Variants in RGS10 observed in about 807,000 individuals in gnomAD.
RGS10 encodes regulator of G-protein signalling 10.
A neutral mutation model predicts 23.5 loss-of-function variants in RGS10; 11 were observed. That is an observed-to-expected ratio of 0.47 (90% confidence interval 0.29 to 0.77). RGS10 has a LOEUF of 0.77. RGS10 is among the 30% of genes least tolerant of loss of function. The pLI, the probability that RGS10 is intolerant of heterozygous loss-of-function variation, is 0.08. For synonymous variants in RGS10, 77 were observed against 83.2 expected (o/e 0.92, Z 0.41); for missense variants, 180 against 226.3 (o/e 0.80, Z 1.31).
chr10:119,524,552 C>T lies in RGS10; in HGVS notation c.255+1480G>A, dbSNP rs1041868983. Among the ~76,000 whole-genome samples the T allele has an allele frequency of 6.6e-6, 1 of 152,082 alleles. No homozygotes were observed. The highest frequency in any genetic ancestry group is 6.5e-5 in the Admixed American group (1 of 15,270). On this transcript the variant is annotated intron_variant, in intron 3 of 4. Transcript: ENST00000369103. The surrounding 1 kb of genome is among the most constrained non-coding windows in gnomAD (Gnocchi z 5.2). ...CAGTCTAGCATTTATCGATGGTGGT[C>T]CCCAGGCCCTGTCCTCGGTGCTGGA...
At chr10:119,509,988 C>T (rs1465097383) in intron 4 of RGS10, among the ~76,000 whole-genome samples, 2 of 152,040 alleles carry the variant, frequency 1.3e-5, no homozygotes. Context: ...AGAGCTCAGG[C>T]CACTCCCACT....
chr10:119,530,529 A>G (rs1006248036), intron 1 of RGS10, among the ~76,000 whole-genome samples: 13 of 152,226 alleles, frequency 8.5e-5, no homozygotes, highest in African/African-American at 2.9e-4. Flanking sequence ...TCTCTATAAA[A>G]TATTTAAAAA....
In RGS10 at chr10:119,515,497, A is replaced by T; in HGVS notation, c.399+12T>A. ...TTTTCAAATCAAGGTGCAGGCAGGG[A>T]AGTCGGGTTACCTGGTCCTGGAGTT... On this transcript the variant is annotated intron_variant, in intron 4 of 4. Coordinates refer to ENST00000369103, the MANE Select transcript of RGS10 (RefSeq NM_001005339.2). The T allele has an allele frequency of 6.2e-7, 1 of 1,613,952 alleles. No individual in the cohort carries two copies.
chr10:119,499,833 T>C lies in RGS10; in HGVS notation c.*280A>G, dbSNP rs1343845114. On this transcript the variant is annotated 3_prime_UTR_variant, in exon 5 of 5. Transcript: ENST00000369103. ...TGTGATACGTTTCACCTTGTGGCCT[T>C]ACATGAGGTTTAATTAAGCTACAAA... 3.2e-6 allele frequency: 1 copy of C among 315,486 alleles called. No homozygotes were observed. The highest frequency in any genetic ancestry group is 2.2e-5 in the African/African-American group (1 of 45,822). 19.5% of individuals were successfully genotyped at this position (315,486 alleles called of 1,614,324 possible).
chr10:119,527,321 G>A lies in RGS10; in HGVS notation c.153C>T (p.Gly51=). ...SLENLLEDPE[G]VKRFREFLKK... is the part of the protein sequence containing the mutation. ...AAAGACAAACCCTAAATCTTTTCAC[G>A]CCTTCTGGGTCTTCCAGCAGATTCT... Residue 51 remains glycine, a synonymous_variant, in exon 2 of 5, where the codon GGC becomes GGT. Coordinates refer to ENST00000369103, the MANE Select transcript of RGS10 (RefSeq NM_001005339.2). The surrounding 1 kb of genome is among the most constrained non-coding windows in gnomAD (Gnocchi z 4.2). 12 of 1,612,928 alleles carry A rather than the reference G, an allele frequency of 7.4e-6. No individual in the cohort carries two copies. The highest frequency in any genetic ancestry group is 1.0e-5 in the Non-Finnish European group (12 of 1,179,050).
chr10:119,526,243 C>T (rs775427953), intron 2 of RGS10, 125 bp from the exon 3 acceptor site: 3 of 484,382 alleles, frequency 6.2e-6, no homozygotes, highest in Non-Finnish European at 1.1e-5. Context: ...AGTTACTCTT[C>T]GAAAACCCCA....
chr10:119,511,714 G>A (rs1008751201), intron 4 of RGS10, among the ~76,000 whole-genome samples: 1 of 152,074 alleles, frequency 6.6e-6, no homozygotes, highest in Non-Finnish European at 1.5e-5. Flanking sequence ...ATGGTTTGGG[G>A]TCACCAGGCT....
chr10:119,539,440 G>A (rs1187333148), intron 1 of RGS10, among the ~76,000 whole-genome samples: 1 of 152,206 alleles, frequency 6.6e-6, no homozygotes, highest in African/African-American at 2.4e-5. Context: ...CAGGGGTAGG[G>A]AGTCGGGTGG....
chr10:119,540,357 C>T (rs1401927983), intron 1 of RGS10, among the ~76,000 whole-genome samples: 1 of 152,168 alleles, frequency 6.6e-6, no homozygotes, highest in Non-Finnish European at 1.5e-5. Flanking sequence ...CTCAAGCCAT[C>T]CTCTCACTTC....
chr10:119,542,173 C>A lies in RGS10; in HGVS notation c.49+417G>T, dbSNP rs143025658. On this transcript the variant is annotated intron_variant, in intron 1 of 4. Transcript: ENST00000369103. The stretch of plus-strand genomic sequence containing the variant: ...GCCCAGTCGGATGCCCGGGTCCAGC[C>A]GTGCTCCCCCGGGCGCTCGGCATCC... Among the ~76,000 whole-genome samples the A allele has an allele frequency of 1.8e-3, 271 of 152,304 alleles. 2 individuals are homozygous for A. The highest frequency in any genetic ancestry group is 6.2e-3 in the African/African-American group (258 of 41,580).
intron 3 of RGS10, among the ~76,000 whole-genome samples, chr10:119,516,822 C>T (rs750961989): frequency 2.6e-5 from 4 of 152,224 alleles, no homozygotes; most frequent in African/African-American, 4.8e-5. Context: ...GGAGCCCTCT[C>T]CTCCAGAACT....
At chr10:119,507,102 G>T (rs954967689) in intron 4 of RGS10, among the ~76,000 whole-genome samples, 1 of 152,174 alleles carries the variant, frequency 6.6e-6, no homozygotes, top group Non-Finnish European at 1.5e-5. Context: ...TACACAGACA[G>T]CCAACCTCCC....
chr10:119,536,918 T>C (rs1446819210), intron 1 of RGS10, among the ~76,000 whole-genome samples: 2 of 152,162 alleles, frequency 1.3e-5, no homozygotes, highest in Non-Finnish European at 2.9e-5. Context: ...GACTTTTTCC[T>C]CCAGGGTCAG....
At chr10:119,509,899 A>C (rs1354265276) in intron 4 of RGS10, among the ~76,000 whole-genome samples, 1 of 151,720 alleles carries the variant, frequency 6.6e-6, no homozygotes, top group East Asian at 1.9e-4. Flanking sequence ...GCACTGTGAT[A>C]ACAGTGATGA....
rs939384330 is a variant in RGS10 at position 119,499,915 on chromosome 10, GTTA to G, written c.*195_*197del. On this transcript the variant is annotated 3_prime_UTR_variant, in exon 5 of 5. Coordinates refer to ENST00000369103, the MANE Select transcript of RGS10 (RefSeq NM_001005339.2). ...CTGTTTTGTAAACTAAAACTTCCAA[GTTA>G]TTATTATTCTTTTTTTATGTTAGCT... is the stretch of plus-strand genomic sequence containing the variant. 4 of 527,988 alleles carry G rather than the reference GTTA, an allele frequency of 7.6e-6. No homozygotes were observed. In the African/African-American group the frequency reaches 7.8e-5, roughly 10 times the overall value. The allele number at this position is 527,988 out of a possible 1,614,324, so 32.7% of individuals were successfully genotyped here.
intron 2 of RGS10, among the ~76,000 whole-genome samples, chr10:119,526,504 A>C (rs144273451): frequency 0.011 from 1,618 of 152,380 alleles, 34 homozygotes; most frequent in African/African-American, 0.037. Context: ...AAGCACATTA[A>C]GTATGTCTAA....
intron 3 of RGS10, among the ~76,000 whole-genome samples, chr10:119,519,531 G>A (rs1191586249): frequency 1.0e-5 from 1 of 99,284 alleles, no homozygotes; most frequent in Non-Finnish European, 1.9e-5. Context: ...CCCAGCTCCT[G>A]TCTCCCTGTC....
At position 119,517,433 on chromosome 10, in the gene RGS10, G is replaced by C. The variant is rs1844159270; in HGVS notation, c.256-1781C>G. Among the ~76,000 whole-genome samples the C allele has an allele frequency of 6.6e-6, 1 of 152,166 alleles. No homozygotes were observed. On this transcript the variant is annotated intron_variant, in intron 3 of 4. Transcript: ENST00000369103. This position sits in a 1 kb window ranked among gnomAD's most constrained non-coding sequence, Gnocchi z 5.0. ...TCTGGGGGCCATCCTCGAGACCCAA[G>C]GGGGTGGCACTTAGGAGCTGGCCCT...
At chr10:119,518,046 G>A (rs897009109) in intron 3 of RGS10, among the ~76,000 whole-genome samples, 23 of 152,264 alleles carry the variant, frequency 1.5e-4, no homozygotes, top group African/African-American at 5.3e-4. Context: ...AAGGCCTGGT[G>A]TCTAGGCCGA....
Sources: gnomAD v4.1 joint callset for allele counts (sites outside exome capture counted in the v4.1 genomes callset) on GRCh38, gnomAD v4.1.1 for gene constraint, Gnocchi (gnomAD v3.1) non-coding constraint, MANE v1.5 for transcripts, NCBI Gene and HGNC (gene_info 2026-07-23, HGNC 2026-07-21) for gene names.